PSG6: variants seen among roughly 807,000 people sequenced by gnomAD.
The protein encoded by PSG6 is pregnancy specific beta-1-glycoprotein 6.
In PSG6, 51 loss-of-function variants were observed where a neutral mutation model predicts 43.3. That is an observed-to-expected ratio of 1.18 (90% CI 0.94 to 1.49). The LOEUF (loss-of-function observed/expected upper bound fraction) is 1.49, where lower values mean the gene tolerates loss of function less well. Among genes scored for constraint, PSG6 ranks in the 40% most tolerant of loss-of-function variants. PSG6 has a pLI of 0.00. For missense variants in PSG6, 770 were observed against 522.2 expected (o/e 1.47, Z -4.62); for synonymous variants, 292 against 197.6 (o/e 1.48, Z -4.01).
chr19:42,913,990 C>G (rs7248723), intron 2 of PSG6, among the ~76,000 whole-genome samples: 8,191 of 151,618 alleles, frequency 0.054, 815 homozygotes, highest in African/African-American at 0.19. Context: ...ACTTGGAGTT[C>G]TTAAAATCTT....
chr19:42,903,376 A>G (rs1236695896), intron 5 of PSG6, among the ~76,000 whole-genome samples: 2 of 151,586 alleles, frequency 1.3e-5, no homozygotes, highest in Admixed American at 6.6e-5. Context: ...ACCTACTTTA[A>G]TACTTCAGGA....
chr19:42,903,627 A>C, intron 5 of PSG6: 1 of 1,481,032 alleles, frequency 6.8e-7, no homozygotes, highest in Admixed American at 2.4e-5. Flanking sequence ...ATGGTGGGTC[A>C]TGTTTTAATC....
chr19:42,911,518 G>T (rs1342313089), intron 2 of PSG6, among the ~76,000 whole-genome samples: 1 of 151,786 alleles, frequency 6.6e-6, no homozygotes, highest in Non-Finnish European at 1.5e-5. Flanking sequence ...TCCAAGGAAT[G>T]ACCTACAAAG....
At chr19:42,914,519 C>T (rs186650939) in intron 2 of PSG6, among the ~76,000 whole-genome samples, 9,269 of 123,674 alleles carry the variant, frequency 0.075, 598 homozygotes, top group East Asian at 0.23. Context: ...GTGCCCCCAG[C>T]TCCACAGTCC....
intron 1 of PSG6, among the ~76,000 whole-genome samples, chr19:42,917,363 CTT>C (rs35188962): frequency 0.28 from 34,664 of 122,406 alleles, 3,935 homozygotes; most frequent in South Asian, 0.4. Flanking sequence ...TCTTTTTATT[CTT>C]TTTTTTTTTT....
In PSG6 at chr19:42,907,167, T is replaced by C. The variant is rs373689077; in HGVS notation, c.995A>G (p.Asp332Gly). 3 of 1,611,068 alleles carry C rather than the reference T, an allele frequency of 1.9e-6. 1 individual carries two copies. The African/African-American group carries it at 4.0e-5, about 22-fold the overall frequency. Residue 332 changes from aspartate (D) to glycine (G), a missense_variant, in exon 5 of 6, where the codon GAC becomes GGC. Transcript: ENST00000187910. ...PVTLNVLYGP[D>G]LPRIYPSFTY... ...GAATGAAGGGTAAATTCTGGGGAGG[T>C]CTGGACCATCTGGAGGAAAGAGAAT... is the stretch of plus-strand genomic sequence containing the variant.
At chr19:42,914,056 G>A (rs1972277576) in intron 2 of PSG6, among the ~76,000 whole-genome samples, 1 of 151,410 alleles carries the variant, frequency 6.6e-6, no homozygotes, top group South Asian at 2.1e-4. Flanking sequence ...ATTTTTTTGT[G>A]TGCAGGAGGC....
In PSG6 at chr19:42,907,590, G is replaced by A. The variant is rs199858569; in HGVS notation, c.971C>T (p.Thr324Ile). The change falls in exon 4 of 6, where the codon ACC becomes ATC. Residue 324 changes from threonine (T) to isoleucine (I), a missense_variant. Transcript: ENST00000187910. ...AGGATACTCACAGAGGACATTCAGGGTGACTGGGTTACTGCGGATGCCACC... is the reference window on the plus strand; with the variant it reads ...AGGATACTCACAGAGGACATTCAGGATGACTGGGTTACTGCGGATGCCACC... ...RYGGIRSNPV[T>I]LNVLYGPDLP... is the part of the protein sequence containing the mutation. The A allele has an allele frequency of 4.1e-3, 6,670 of 1,608,112 alleles. 196 individuals carry two copies. Among genetic ancestry groups the A allele is most frequent in the Non-Finnish European group, 5.1e-3 (6,038 of 1,175,298 alleles).
At chr19:42,914,566 A>C (rs1972287546) in intron 2 of PSG6, among the ~76,000 whole-genome samples, 1 of 149,498 alleles carries the variant, frequency 6.7e-6, no homozygotes, top group African/African-American at 2.5e-5. Context: ...CGGTGGCCAA[A>C]GAACTTCAGA....
chr19:42,912,570 C>G lies in PSG6; in HGVS notation c.428-1712G>C, dbSNP rs1972247799. Among the ~76,000 whole-genome samples the G allele has an allele frequency of 1.3e-5, 2 of 151,690 alleles. 1 individual carries two copies. Among genetic ancestry groups the G allele is most frequent in the East Asian group, 3.9e-4 (2 of 5,158 alleles). The stretch of plus-strand genomic sequence containing the variant: ...CAATTACATAAAAGGAGGAAGGATG[C>G]CAAATTAAAAGAAGTGATGTGTGTT... On this transcript the variant is annotated intron_variant, in intron 2 of 5. Coordinates refer to ENST00000187910, the MANE Select transcript of PSG6 (RefSeq NM_001031850.4).
Position 42,916,147 on chromosome 19 carries a change from T to A in PSG6, c.405A>T (p.Gly135=), listed in dbSNP as rs140370974. 6 of 1,611,750 alleles carry A rather than the reference T, an allele frequency of 3.7e-6. No homozygotes were observed. Among genetic ancestry groups the A allele is most frequent in the Non-Finnish European group, 5.1e-6 (6 of 1,178,870 alleles). ...CACAGTATAAGGTGACAGTGAAATA[T>A]CCAGTTACTCCTCCAGTCCCATCGC... is the stretch of plus-strand genomic sequence containing the variant. ...KRGDGTGGVT[G]YFTVTLYSET... The change falls in exon 2 of 6, where the codon GGA becomes GGT. Residue 135 remains glycine (G), a synonymous_variant. Coordinates refer to ENST00000187910, the MANE Select transcript of PSG6 (RefSeq NM_001031850.4).
chr19:42,917,093 G>T (rs1322450351), intron 1 of PSG6, among the ~76,000 whole-genome samples: 3 of 150,922 alleles, frequency 2.0e-5, no homozygotes, highest in South Asian at 2.1e-4. Flanking sequence ...TCCCCCAATT[G>T]TTGAGGTTTT....
chr19:42,907,786 A>G lies in PSG6; in HGVS notation c.775T>C (p.Phe259Leu), dbSNP rs749799272. 5.0e-6 allele frequency: 8 copies of G among 1,611,208 alleles called. No homozygotes were observed. In the Middle Eastern group the frequency reaches 6.0e-4, roughly 120 times the overall value. Reference sequence around the variant, plus strand: ...TTCCGACTCTTAGGTTCACAGGTGAAGGCTAACACATCCTTCTTCTCCCTG... The same window carrying G: ...TTCCGACTCTTAGGTTCACAGGTGAGGGCTAACACATCCTTCTTCTCCCTG... Reference protein sequence around the residue: ...NPREKKDVLAFTCEPKSRNYT... With the variant: ...NPREKKDVLALTCEPKSRNYT... The change falls in exon 4 of 6, where the codon TTC becomes CTC. Residue 259 changes from phenylalanine to leucine, a missense_variant. Coordinates refer to ENST00000187910, the MANE Select transcript of PSG6 (RefSeq NM_001031850.4).
intron 5 of PSG6, chr19:42,903,525 TCAA>T (rs1600537344): frequency 1.6e-6 from 2 of 1,236,232 alleles, no homozygotes; most frequent in Non-Finnish European, 1.1e-6. Context: ...CAAAATAAAA[TCAA>T]CAAAATTGAC....
intron 2 of PSG6, among the ~76,000 whole-genome samples, chr19:42,915,009 C>G (rs1972298188): frequency 2.0e-5 from 3 of 151,608 alleles, no homozygotes; most frequent in South Asian, 4.2e-4. Context: ...ACCATTTGCT[C>G]TCACTCCTCT....
Position 42,910,116 on chromosome 19 carries a change from A to G in PSG6, c.706+464T>C, listed in dbSNP as rs190525257. The stretch of plus-strand genomic sequence containing the variant: ...GTCTGTGAGGCAGGAGAGCTTGGGG[A>G]CTTCCCCTGTATGGTAATAGGTGTA... On this transcript the variant is annotated intron_variant, in intron 3 of 5. Coordinates refer to ENST00000187910, the MANE Select transcript of PSG6 (RefSeq NM_001031850.4). The G allele has an allele frequency of 4.3e-3, 976 of 224,374 alleles. 24 individuals carry two copies. Among genetic ancestry groups the G allele is most frequent in the African/African-American group, 0.021 (936 of 44,326 alleles). The allele number at this position is 224,374 out of a possible 1,614,324, so 13.9% of individuals were successfully genotyped here.
Position 42,917,878 on chromosome 19 carries a change from C to G in PSG6, c.-86G>C. 1 of 1,509,670 alleles carries G rather than the reference C, an allele frequency of 6.6e-7. No homozygotes were observed. The highest frequency in any genetic ancestry group is 9.0e-7 in the Non-Finnish European group (1 of 1,110,836). 93.5% of individuals were successfully genotyped at this position (1,509,670 alleles called of 1,614,324 possible). On this transcript the variant is annotated 5_prime_UTR_variant, in exon 1 of 6. Coordinates refer to ENST00000187910, the MANE Select transcript of PSG6 (RefSeq NM_001031850.4). ...GAGCAGGGCTGTCAGGTGTGCTGTCCTTCCTCCTTCTGTGCTGAGCCTCTT... is the reference window on the plus strand; with the variant it reads ...GAGCAGGGCTGTCAGGTGTGCTGTCGTTCCTCCTTCTGTGCTGAGCCTCTT...
Position 42,907,841 on chromosome 19 carries a change from C to T in PSG6, c.720G>A (p.Met240Ile), listed in dbSNP as rs369507678. The change falls in exon 4 of 6, where the codon ATG becomes ATA. Residue 240 changes from methionine (M) to isoleucine (I), a missense_variant. By Grantham distance (10) the Met-to-Ile change is conservative. Coordinates refer to ENST00000187910, the MANE Select transcript of PSG6 (RefSeq NM_001031850.4). The stretch of plus-strand genomic sequence containing the variant: ...TTAAGTTGTTGATGGTGATGTAAGG[C>T]ATGGGCAGCTTCGCTGTGTGGATAA... Reference protein sequence around the residue: ...VTLNLLPKLPMPYITINNLNP... With the variant: ...VTLNLLPKLPIPYITINNLNP... 153 of 1,611,422 alleles carry T rather than the reference C, an allele frequency of 9.5e-5. 5 individuals are homozygous for T. The highest frequency in any genetic ancestry group is 1.2e-4 in the Non-Finnish European group (143 of 1,179,052).
intron 2 of PSG6, 82 bp downstream of exon 2, chr19:42,916,043 G>A: frequency 2.5e-6 from 4 of 1,591,428 alleles, no homozygotes; most frequent in Admixed American, 1.7e-5. Context: ...CACAGGCAGA[G>A]TCCAGGCCTG....
Sources: gnomAD v4.1 joint callset for allele counts (sites outside exome capture counted in the v4.1 genomes callset) on GRCh38, gnomAD v4.1.1 for gene constraint, MANE v1.5 for transcripts, NCBI Gene and HGNC (gene_info 2026-07-23, HGNC 2026-07-21) for gene names.